SPHKAP: variants seen among roughly 807,000 people sequenced by gnomAD.
SPHKAP encodes SPHK1 interactor, AKAP domain containing, also known as A-kinase anchor protein SPHKAP.
SPHKAP carries 67 observed loss-of-function variants against 137.5 expected under a neutral mutation model. That is an observed-to-expected ratio of 0.49 (90% CI 0.40 to 0.60). The LOEUF is 0.60. Ranked by LOEUF, SPHKAP falls within the 20% of genes least tolerant of loss-of-function variation. The pLI, the probability that SPHKAP is intolerant of heterozygous loss-of-function variation, is 0.00. For synonymous variants in SPHKAP, 813 were observed against 785.3 expected, an observed-to-expected ratio of 1.04 and a Z score of -0.59; for missense variants, 2,097 against 2,069.3, an observed-to-expected ratio of 1.01 and a Z score of -0.26.
chr2:228,001,721 C>T (rs1431075318), intron 7 of SPHKAP, among the ~76,000 whole-genome samples: 1 of 151,790 alleles, frequency 6.6e-6, no homozygotes, highest in Admixed American at 6.6e-5. Flanking sequence ...CCTCCCCGCT[C>T]CCCGCAGCCC....
chr2:228,083,987 G>T (rs1459091289), intron 3 of SPHKAP, among the ~76,000 whole-genome samples: 1 of 151,808 alleles, frequency 6.6e-6, no homozygotes, highest in East Asian at 1.9e-4. Context: ...CTGGATGCGG[G>T]TTTTAAACCC....
At chr2:228,052,127 T>C (rs1000617899) in intron 3 of SPHKAP, among the ~76,000 whole-genome samples, 6 of 151,464 alleles carry the variant, frequency 4.0e-5, no homozygotes, top group African/African-American at 1.2e-4. Flanking sequence ...GAGCCAAAAA[T>C]GTAAAATTTA....
intron 1 of SPHKAP, among the ~76,000 whole-genome samples, chr2:228,169,023 C>T (rs4350738): frequency 0.11 from 16,409 of 152,170 alleles, 1,019 homozygotes; most frequent in East Asian, 0.2. Flanking sequence ...CAGAGCAAGG[C>T]CCTCACTCTC....
In SPHKAP at chr2:228,021,935, T is replaced by C; in HGVS notation, c.473A>G (p.Gln158Arg). The change falls in exon 6 of 12, where the codon CAA (glutamine) becomes CGA (arginine). Residue 158 changes from glutamine (Q) to arginine (R), a missense_variant. Physicochemically the swap from Gln to Arg is conservative, Grantham distance 43. Coordinates refer to ENST00000392056, the MANE Select transcript of SPHKAP (RefSeq NM_001142644.2). ...GTTTGGTCTGTTCCCTCTTGCACAT[T>C]GGACCAAGCAGATATCTGGCAGCCA... ...CPWLPDICLVQCARGNRPNST... is the reference protein window; with the variant it reads ...CPWLPDICLVRCARGNRPNST... 6.2e-7 allele frequency: 1 copy of C among 1,607,396 alleles called. No individual in the cohort carries two copies.
intron 3 of SPHKAP, among the ~76,000 whole-genome samples, chr2:228,078,655 G>A (rs1275768876): frequency 6.6e-6 from 1 of 152,070 alleles, no homozygotes; most frequent in African/African-American, 2.4e-5. Context: ...CAAGAGCTAT[G>A]GAGACCAGGT....
chr2:228,045,847 C>A (rs77653773), intron 3 of SPHKAP, among the ~76,000 whole-genome samples: 1 of 151,782 alleles, frequency 6.6e-6, no homozygotes. Context: ...CTCATTTATA[C>A]GTGAAATCTA....
chr2:228,078,189 G>T (rs908308479), intron 3 of SPHKAP, among the ~76,000 whole-genome samples: 1 of 152,124 alleles, frequency 6.6e-6, no homozygotes, highest in Non-Finnish European at 1.5e-5. Context: ...ACTAATAAAA[G>T]AGACCAGCCA....
At chr2:228,163,388 T>C (rs1700332032) in intron 1 of SPHKAP, among the ~76,000 whole-genome samples, 1 of 152,088 alleles carries the variant, frequency 6.6e-6, no homozygotes, top group Non-Finnish European at 1.5e-5. Context: ...GTATCAAATG[T>C]TAGGGGCAAA....
chr2:228,110,556 G>A (rs1266544675), intron 2 of SPHKAP, among the ~76,000 whole-genome samples: 1 of 152,178 alleles, frequency 6.6e-6, no homozygotes, highest in Non-Finnish European at 1.5e-5. Context: ...CATGGGCTAG[G>A]ACCTATCAGG....
intron 3 of SPHKAP, among the ~76,000 whole-genome samples, chr2:228,053,703 AT>A (rs1313689881): frequency 1.3e-5 from 2 of 152,144 alleles, no homozygotes; most frequent in Non-Finnish European, 2.9e-5. Flanking sequence ...TCTAAAACCT[AT>A]TTTCAAATTA....
chr2:228,063,145 T>TATCC (rs1696709007), intron 3 of SPHKAP, among the ~76,000 whole-genome samples: 1 of 126,238 alleles, frequency 7.9e-6, no homozygotes. Context: ...GATAGATCCC[T>TATCC]ATCTATCTAT....
intron 3 of SPHKAP, among the ~76,000 whole-genome samples, chr2:228,052,102 A>C (rs554618859): frequency 3.6e-4 from 55 of 152,268 alleles, no homozygotes; most frequent in African/African-American, 1.3e-3. Context: ...GGTGGTGTGG[A>C]TTTGAAGATT....
At chr2:228,074,415 C>A (rs973362136) in intron 3 of SPHKAP, among the ~76,000 whole-genome samples, 4 of 152,026 alleles carry the variant, frequency 2.6e-5, no homozygotes, top group Admixed American at 2.6e-4. Context: ...ACAATTATGG[C>A]GGAAGGTGAA....
At chr2:228,061,847 C>T (rs1434061260) in intron 3 of SPHKAP, among the ~76,000 whole-genome samples, 1 of 152,058 alleles carries the variant, frequency 6.6e-6, no homozygotes, top group East Asian at 1.9e-4. Flanking sequence ...AAACTCTTTT[C>T]ATTTAAAGAC....
chr2:228,009,753 A>C (rs112413329), intron 7 of SPHKAP, among the ~76,000 whole-genome samples: 4 of 152,296 alleles, frequency 2.6e-5, no homozygotes, highest in African/African-American at 9.6e-5. Context: ...TTGTGTTAGA[A>C]CAAGTGTAGA....
intron 3 of SPHKAP, among the ~76,000 whole-genome samples, chr2:228,080,386 T>A (rs544125929): frequency 5.0e-4 from 76 of 152,276 alleles, no homozygotes; most frequent in African/African-American, 1.7e-3. Context: ...ATGCTTAACA[T>A]TCCTAATAAT....
chr2:228,138,940 ATGT>A (rs1699512994), intron 1 of SPHKAP, among the ~76,000 whole-genome samples: 1 of 95,658 alleles, frequency 1.0e-5, no homozygotes, highest in Admixed American at 1.2e-4. Context: ...ATTGGTGAAA[ATGT>A]TGTTGCAGAC....
At chr2:228,025,896 A>G in intron 4 of SPHKAP, 1 of 984,668 alleles carries the variant, frequency 1.0e-6, no homozygotes, top group African/African-American at 1.7e-5. Context: ...TAATCTTCCG[A>G]TATGGCTTGG....
intron 3 of SPHKAP, among the ~76,000 whole-genome samples, chr2:228,087,415 G>T (rs141866947): frequency 6.6e-6 from 1 of 152,148 alleles, no homozygotes; most frequent in African/African-American, 2.4e-5. Context: ...ATAAGAACAT[G>T]TAACCCATAT....
Sources: allele counts gnomAD v4.1 joint callset (sites outside exome capture counted in the v4.1 genomes callset), GRCh38; gene constraint gnomAD v4.1.1; transcripts MANE v1.5; gene names NCBI Gene and HGNC (gene_info 2026-07-23, HGNC 2026-07-21).